KDELR1: variants seen among roughly 807,000 people sequenced by gnomAD.
The protein encoded by KDELR1 is ER lumen protein-retaining receptor 1.
Under a neutral mutation model 25.5 loss-of-function variants are expected in KDELR1, and 16 were observed. That is an observed-to-expected ratio of 0.63 (90% confidence interval 0.43 to 0.95). The LOEUF is 0.95. Among genes scored for constraint, KDELR1 ranks in the 40% least tolerant of loss-of-function variants. The pLI, the probability that KDELR1 is intolerant of heterozygous loss-of-function variation, is 0.00. For missense variants in KDELR1, 159 were observed against 265.2 expected, an observed-to-expected ratio of 0.60 and a Z score of 2.78; for synonymous variants, 121 against 115.0, an observed-to-expected ratio of 1.05 and a Z score of -0.33.
rs752465528 is a variant in KDELR1 at position 48,384,365 on chromosome 19, C to T, written c.469G>A (p.Val157Ile). The change falls in exon 4 of 5, where the codon GTT (valine) becomes ATT (isoleucine). Residue 157 changes from valine (V) to isoleucine (I), a missense_variant. Physicochemically the swap from Val to Ile is conservative, Grantham distance 29 (BLOSUM62 3). Transcript: ENST00000330720. The surrounding 1 kb of genome is among the most constrained non-coding windows in gnomAD (Gnocchi z 4.6). Reference protein sequence around the residue: ...ITSHYLFALGVYRTLYLFNWI... With the variant: ...ITSHYLFALGIYRTLYLFNWI... ...TTGAAGAGATAGAGCGTGCGGTAAA[C>T]GCCTAGCGCAAACAAGTAGTGGCTG... 16 of 1,614,052 alleles carry T rather than the reference C, an allele frequency of 9.9e-6. No homozygotes were observed. The highest frequency in any genetic ancestry group is 2.7e-5 in the African/African-American group (2 of 74,916).
At chr19:48,383,750 C>T (rs1970473993) in intron 4 of KDELR1, among the ~76,000 whole-genome samples, 1 of 152,088 alleles carries the variant, frequency 6.6e-6, no homozygotes. Context: ...AGAAATCTCC[C>T]TGCCTCAGTC....
chr19:48,389,354 G>A, intron 3 of KDELR1, 199 bp downstream of exon 3: 3 of 607,228 alleles, frequency 4.9e-6, no homozygotes, highest in South Asian at 4.0e-5. Context: ...AATGCTTAGG[G>A]TAGTGACTGA....
chr19:48,387,346 C>T (rs1970505019), intron 3 of KDELR1, among the ~76,000 whole-genome samples: 1 of 152,094 alleles, frequency 6.6e-6, no homozygotes, highest in Admixed American at 6.5e-5. Flanking sequence ...GGGCCAAAGT[C>T]ACCCTCTGTT....
At chr19:48,394,104 C>T (rs940861761), upstream of KDELR1, among the ~76,000 whole-genome samples, 1 of 152,092 alleles carries the variant, frequency 6.6e-6, no homozygotes, top group Admixed American at 6.5e-5. The surrounding 1 kb of genome is among the most constrained non-coding windows in gnomAD (Gnocchi z 5.1). Context: ...TGGGCGTCCC[C>T]GGCTGCCTGT....
rs1165665445 is a variant in KDELR1, at chr19:48,383,106, GC to G, written c.*186del. The G allele has an allele frequency of 5.4e-5, 33 of 611,286 alleles. No individual in the cohort carries two copies. The East Asian group carries it at 8.5e-4, about 16-fold the overall frequency. 37.9% of individuals were successfully genotyped at this position (611,286 alleles called of 1,614,324 possible). On this transcript the variant is annotated 3_prime_UTR_variant, in exon 5 of 5. Coordinates refer to ENST00000330720, the MANE Select transcript of KDELR1 (RefSeq NM_006801.3). ...TCTAAAAGGCAAAAAACTACAAACAGCCCAAGTCCTGAGCTCCCCAAGACCT... is the reference window on the plus strand; with the variant it reads ...TCTAAAAGGCAAAAAACTACAAACAGCCAAGTCCTGAGCTCCCCAAGACCT...
chr19:48,384,235 G>C lies in KDELR1; in HGVS notation c.599C>G (p.Thr200Ser). Residue 200 changes from threonine (T) to serine (S), a missense_variant, in exon 4 of 5, where the codon ACC (threonine) becomes AGC (serine). By Grantham distance (58) the Thr-to-Ser change is moderately conservative. Coordinates refer to ENST00000330720, the MANE Select transcript of KDELR1 (RefSeq NM_006801.3). The surrounding 1 kb of genome is among the most constrained non-coding windows in gnomAD (Gnocchi z 4.6). ...LYCDFFYLYI[T>S]KVLKGKKLSL... ...CCGTCCCACATTCCAGCTACCTTTGGTGATATAGAGGTAGAAGAAATCGCA... is the reference window on the plus strand; with the variant it reads ...CCGTCCCACATTCCAGCTACCTTTGCTGATATAGAGGTAGAAGAAATCGCA... The C allele has an allele frequency of 5.6e-6, 9 of 1,613,956 alleles. No individual in the cohort carries two copies. Among genetic ancestry groups the C allele is most frequent in the Non-Finnish European group, 7.6e-6 (9 of 1,179,848 alleles).
At chr19:48,389,201 C>T (rs1265212576) in intron 3 of KDELR1, among the ~76,000 whole-genome samples, 2 of 151,864 alleles carry the variant, frequency 1.3e-5, no homozygotes, top group Non-Finnish European at 2.9e-5. Context: ...ACCTGGGAGG[C>T]GGGGGTTGCA....
At chr19:48,390,905 A>C in intron 1 of KDELR1, 1 of 439,918 alleles carries the variant, frequency 2.3e-6, no homozygotes. Context: ...CAGGCCCCGG[A>C]TCCGGTCACC....
At chr19:48,390,899 C>T (rs1453943408) in intron 1 of KDELR1, 2 of 438,816 alleles carry the variant, frequency 4.6e-6, no homozygotes, top group South Asian at 2.2e-5. Context: ...TGACCTCAGG[C>T]CCCGGATCCG....
In KDELR1 at chr19:48,383,040, C is replaced by T; in HGVS notation, c.*253G>A. The T allele has an allele frequency of 1.8e-6, 1 of 557,456 alleles. No individual in the cohort carries two copies. The highest frequency in any genetic ancestry group is 3.2e-6 in the Non-Finnish European group (1 of 314,154). 34.5% of individuals were successfully genotyped at this position (557,456 alleles called of 1,614,324 possible). On this transcript the variant is annotated 3_prime_UTR_variant, in exon 5 of 5. Coordinates refer to ENST00000330720, the MANE Select transcript of KDELR1 (RefSeq NM_006801.3). ...ACAGAGTAGAAGAAAAACGAGTCAT[C>T]AGAATCAAAAACTAAAGAGTGGAAA...
At chr19:48,395,090 C>G (rs1970621812), upstream of KDELR1, among the ~76,000 whole-genome samples, 1 of 151,700 alleles carries the variant, frequency 6.6e-6, no homozygotes, top group African/African-American at 2.4e-5. Context: ...CCCTCAGGGA[C>G]TCTCCTCCAC....
chr19:48,389,509 C>T (rs775097735), intron 3 of KDELR1, 44 bp downstream of exon 3: 3 of 1,610,596 alleles, frequency 1.9e-6, no homozygotes, highest in South Asian at 2.2e-5. Flanking sequence ...AGCTACTCTG[C>T]CACAACCATC....
At position 48,384,586 on chromosome 19, in the gene KDELR1, A is replaced by AGGT; in HGVS notation, c.352-107_352-105dup. 3 of 1,380,206 alleles carry AGGT rather than the reference A, an allele frequency of 2.2e-6. No individual in the cohort carries two copies. The South Asian group carries it at 4.2e-5, about 19-fold the overall frequency. The allele number at this position is 1,380,206 out of a possible 1,614,324, so 85.5% of individuals were successfully genotyped here. A position where few individuals can be genotyped will look rare whatever the true frequency, so the allele number is the denominator to read the frequency against. On this transcript the variant is annotated intron_variant, in intron 3 of 4. Coordinates refer to ENST00000330720, the MANE Select transcript of KDELR1 (RefSeq NM_006801.3). The surrounding 1 kb of genome is among the most constrained non-coding windows in gnomAD (Gnocchi z 4.6). ...GGTGCCGCGAAGGTGGAGAGAAGGA[A>AGGT]GGTGATCCAGGTGCTGCCAAGTGCC...
At chr19:48,390,377 G>T in intron 2 of KDELR1, 47 bp downstream of exon 2, 2 of 1,403,586 alleles carry the variant, frequency 1.4e-6, no homozygotes, top group South Asian at 1.2e-5. Flanking sequence ...CCCACACCCG[G>T]CTCCTCTGCC....
chr19:48,383,023 G>A lies in KDELR1; in HGVS notation c.*270C>T. The A allele has an allele frequency of 1.9e-6, 1 of 534,290 alleles. No homozygotes were observed. Among genetic ancestry groups the A allele is most frequent in the Non-Finnish European group, 3.3e-6 (1 of 299,868 alleles). The allele number at this position is 534,290 out of a possible 1,614,324, so 33.1% of individuals were successfully genotyped here. The stretch of plus-strand genomic sequence containing the variant: ...TTATAAAAATTGGGGCCACAGAGTA[G>A]AAGAAAAACGAGTCATCAGAATCAA... On this transcript the variant is annotated 3_prime_UTR_variant, in exon 5 of 5. Coordinates refer to ENST00000330720, the MANE Select transcript of KDELR1 (RefSeq NM_006801.3).
At chr19:48,393,998 C>T (rs1315284251), upstream of KDELR1, among the ~76,000 whole-genome samples, 2 of 151,784 alleles carry the variant, frequency 1.3e-5, no homozygotes, top group Non-Finnish European at 2.9e-5. This position sits in a 1 kb window ranked among gnomAD's most constrained non-coding sequence, Gnocchi z 5.6. Context: ...GCCTGGGTGT[C>T]GTGGGGCTCC....
upstream of KDELR1, among the ~76,000 whole-genome samples, chr19:48,392,040 C>T (rs1392298421): frequency 2.7e-5 from 4 of 147,858 alleles, no homozygotes; most frequent in East Asian, 2.1e-4. Context: ...CCCCCAGCCT[C>T]TCCTCCCTCA....
At chr19:48,394,633 G>A (rs914882811), upstream of KDELR1, among the ~76,000 whole-genome samples, 4 of 152,274 alleles carry the variant, frequency 2.6e-5, no homozygotes, top group African/African-American at 9.6e-5. The surrounding 1 kb of genome is among the most constrained non-coding windows in gnomAD (Gnocchi z 5.1). Context: ...GACAGCCTCT[G>A]CAATGTCCGG....
rs919035655 is a variant in KDELR1, at chr19:48,383,117, G to A, written c.*176C>T. On this transcript the variant is annotated 3_prime_UTR_variant, in exon 5 of 5. Coordinates refer to ENST00000330720, the MANE Select transcript of KDELR1 (RefSeq NM_006801.3). ...AAAAACTACAAACAGCCCAAGTCCTGAGCTCCCCAAGACCTGGATCCTCCA... is the reference window on the plus strand; with the variant it reads ...AAAAACTACAAACAGCCCAAGTCCTAAGCTCCCCAAGACCTGGATCCTCCA... 3.1e-6 allele frequency: 2 copies of A among 639,156 alleles called. No individual in the cohort carries two copies. The highest frequency in any genetic ancestry group is 5.4e-6 in the Non-Finnish European group (2 of 367,550). The allele number at this position is 639,156 out of a possible 1,614,324, so 39.6% of individuals were successfully genotyped here.
Sources: allele counts gnomAD v4.1 joint callset (sites outside exome capture counted in the v4.1 genomes callset), GRCh38; gene constraint gnomAD v4.1.1; non-coding constraint Gnocchi (gnomAD v3.1); transcripts MANE v1.5; gene names NCBI Gene and HGNC (gene_info 2026-07-23, HGNC 2026-07-21).